Variants in BNC2 observed in about 807,000 individuals in gnomAD.
BNC2 encodes basonuclin zinc finger protein 2, also known as zinc finger protein basonuclin-2.
BNC2 carries 20 observed loss-of-function variants against 76.3 expected under a neutral mutation model. That is an observed-to-expected ratio of 0.26 (90% CI 0.18 to 0.38). BNC2 has a LOEUF of 0.38. Among genes scored for constraint, BNC2 ranks in the 10% least tolerant of loss-of-function variants. The probability of loss-of-function intolerance (pLI) is 1.00; values close to 1 mark genes in which losing one functional copy is unlikely to be tolerated. For missense variants in BNC2, 1,382 were observed against 1,399.8 expected, an observed-to-expected ratio of 0.99 and a Z score of 0.20; for synonymous variants, 582 against 514.8, an observed-to-expected ratio of 1.13 and a Z score of -1.77.
chr9:16,709,388 C>T (rs1823769542), intron 3 of BNC2, among the ~76,000 whole-genome samples: 1 of 152,222 alleles, frequency 6.6e-6, no homozygotes, highest in African/African-American at 2.4e-5. Flanking sequence ...TCTCTCAGCA[C>T]ACCCAGTGGA....
chr9:16,527,986 G>A lies in BNC2; in HGVS notation c.669+24544C>T, dbSNP rs1353697631. Among the ~76,000 whole-genome samples the A allele has an allele frequency of 2.0e-4, 31 of 152,192 alleles. 1 individual carries two copies. Among genetic ancestry groups the A allele is most frequent in the Admixed American group, 2.0e-3 (31 of 15,268 alleles). On this transcript the variant is annotated intron_variant, in intron 5 of 6. Transcript: ENST00000380672. ...CAATAATGATGAATTTGCAAGAACA[G>A]CTTTATAATTTTTCCTGAGGGCTTT...
intron 6 of BNC2, among the ~76,000 whole-genome samples, chr9:16,433,427 T>C (rs1820943654): frequency 6.6e-6 from 1 of 152,210 alleles, no homozygotes; most frequent in Non-Finnish European, 1.5e-5. Context: ...TCTATGTGAC[T>C]GAACACCCTG....
At chr9:16,827,917 T>G (rs1471592331) in intron 1 of BNC2, among the ~76,000 whole-genome samples, 1 of 152,210 alleles carries the variant, frequency 6.6e-6, no homozygotes, top group South Asian at 2.1e-4. Context: ...AAAACATTTA[T>G]TGAGGCATGT....
chr9:16,751,711 TG>T (rs1825217584), intron 1 of BNC2, among the ~76,000 whole-genome samples: 1 of 150,218 alleles, frequency 6.7e-6, no homozygotes, highest in Admixed American at 6.7e-5. Flanking sequence ...TATATATGTA[TG>T]TATATATAAA....
chr9:16,433,438 G>A lies in BNC2; in HGVS notation c.2639+2117C>T, dbSNP rs900651423. 2.2e-4 allele frequency among the ~76,000 whole-genome samples: 34 copies of A among 151,900 alleles called. 1 individual carries two copies. The highest frequency in any genetic ancestry group is 1.8e-3 in the Admixed American group (28 of 15,244). ...ATCTTCTATGTGACTGAACACCCTG[G>A]GAGCACATCTGTACTCTTCTTCCCA... On this transcript the variant is annotated intron_variant, in intron 6 of 6. Coordinates refer to ENST00000380672, the MANE Select transcript of BNC2 (RefSeq NM_017637.6).
intron 5 of BNC2, among the ~76,000 whole-genome samples, chr9:16,533,984 C>T (rs1383026703): frequency 1.3e-5 from 2 of 150,856 alleles, no homozygotes; most frequent in Non-Finnish European, 2.9e-5. Flanking sequence ...TTCTAAAATT[C>T]GTTTTTAAAA....
intron 1 of BNC2, among the ~76,000 whole-genome samples, chr9:16,788,527 T>A (rs1315899095): frequency 7.4e-6 from 1 of 135,830 alleles, no homozygotes; most frequent in African/African-American, 2.8e-5. Context: ...CACTCCACCC[T>A]GGGCGACAGA....
chr9:16,421,629 C>G (rs906635827), intron 6 of BNC2, among the ~76,000 whole-genome samples: 1 of 152,110 alleles, frequency 6.6e-6, no homozygotes, highest in African/African-American at 2.4e-5. Context: ...AAGTTGTCCC[C>G]ACGGTCCCTG....
intron 3 of BNC2, among the ~76,000 whole-genome samples, chr9:16,592,669 C>T (rs1450406102): frequency 6.6e-6 from 1 of 152,064 alleles, no homozygotes; most frequent in African/African-American, 2.4e-5. Context: ...GTAAGTGAAA[C>T]ATATCTCAAT....
At chr9:16,728,039 G>T in intron 2 of BNC2, 42 bp from the exon 3 acceptor site, 1 of 1,545,692 alleles carries the variant, frequency 6.5e-7, no homozygotes, top group Non-Finnish European at 8.9e-7. Context: ...TTGGCAGCCA[G>T]TAGCAGGAGT....
intron 4 of BNC2, among the ~76,000 whole-genome samples, chr9:16,563,322 C>T (rs375018767): frequency 1.3e-5 from 2 of 151,936 alleles, no homozygotes; most frequent in Non-Finnish European, 2.9e-5. Context: ...TGAAGACTAA[C>T]GATTAAATTT....
intron 3 of BNC2, among the ~76,000 whole-genome samples, chr9:16,659,390 A>ACC (rs1822034914): frequency 6.6e-6 from 1 of 151,992 alleles, no homozygotes; most frequent in African/African-American, 2.4e-5. Context: ...TGGGCAGATC[A>ACC]GGAGGTCAGG....
At chr9:16,832,075 G>A (rs529746574) in intron 1 of BNC2, among the ~76,000 whole-genome samples, 82 of 152,292 alleles carry the variant, frequency 5.4e-4, no homozygotes, top group Middle Eastern at 3.4e-3. Flanking sequence ...CAATCAGCAA[G>A]CCAATCTATT....
intron 3 of BNC2, among the ~76,000 whole-genome samples, chr9:16,595,188 T>C (rs1820032732): frequency 6.6e-6 from 1 of 152,310 alleles, no homozygotes; most frequent in African/African-American, 2.4e-5. Context: ...ATTTTACTTA[T>C]ACCTGTCTTG....
At position 16,794,435 on chromosome 9, in the gene BNC2, C is replaced by G. The variant is rs368931079; in HGVS notation, c.4-55950G>C. 6.3e-4 allele frequency among the ~76,000 whole-genome samples: 96 copies of G among 152,304 alleles called. 3 individuals are homozygous for G. In the South Asian group the frequency reaches 0.015, roughly 23 times the overall value. ...TGTTTCCAACCGCCACCCCCAGCCA[C>G]CTGGGAAGAGAGAGGTGGGATAGAC... On this transcript the variant is annotated intron_variant, in intron 1 of 6. Coordinates refer to ENST00000380672, the MANE Select transcript of BNC2 (RefSeq NM_017637.6).
At chr9:16,421,246 G>A (rs759826901) in intron 6 of BNC2, 120 of 1,296,644 alleles carry the variant, frequency 9.3e-5, no homozygotes, top group Non-Finnish European at 1.2e-4. Context: ...ACTGCACTTA[G>A]GAAGGCTGAG....
intron 3 of BNC2, among the ~76,000 whole-genome samples, chr9:16,675,360 G>A (rs1822607930): frequency 6.6e-6 from 1 of 151,898 alleles, no homozygotes; most frequent in Admixed American, 6.6e-5. Context: ...CTCAAGTGAT[G>A]CTCCCGCCTC....
At chr9:16,819,442 C>G (rs1818262234) in intron 1 of BNC2, among the ~76,000 whole-genome samples, 1 of 152,178 alleles carries the variant, frequency 6.6e-6, no homozygotes, top group South Asian at 2.1e-4. Flanking sequence ...CTGGGTGGAT[C>G]ACCTGAGGTC....
intron 1 of BNC2, among the ~76,000 whole-genome samples, chr9:16,790,306 T>C (rs546283929): frequency 1.2e-4 from 18 of 152,336 alleles, no homozygotes; most frequent in Admixed American, 3.9e-4. Flanking sequence ...CATGAAATGA[T>C]TTTAATAATC....
Sources: gnomAD v4.1 joint callset for allele counts (sites outside exome capture counted in the v4.1 genomes callset) on GRCh38, gnomAD v4.1.1 for gene constraint, MANE v1.5 for transcripts, NCBI Gene and HGNC (gene_info 2026-07-23, HGNC 2026-07-21) for gene names.